Variants in STPG1 observed in about 807,000 individuals in gnomAD.
STPG1 encodes the protein sperm tail PG-rich repeat containing 1, also known as O(6)-methylguanine-induced apoptosis 2.
STPG1 carries 33 observed loss-of-function variants against 40.1 expected under a neutral mutation model. The observed-to-expected ratio is 0.82, with a 90% CI of 0.62 to 1.10. The LOEUF (loss-of-function observed/expected upper bound fraction) is 1.10. STPG1 is among the 50% of genes least tolerant of loss of function. STPG1 has a pLI of 0.00. For synonymous variants in STPG1, 150 were observed against 155.0 expected, an observed-to-expected ratio of 0.97 and a Z score of 0.24; for missense variants, 396 against 415.1, an observed-to-expected ratio of 0.95 and a Z score of 0.40.
chr1:24,384,969 TG>T lies in STPG1; in HGVS notation c.190-967del, dbSNP rs779556017. On this transcript the variant is annotated intron_variant, in intron 3 of 8. Coordinates refer to ENST00000337248, the MANE Select transcript of STPG1 (RefSeq NM_001199013.2). ...ACTCCTCACAACAAGCCTTTTACAG[TG>T]AGGTATGATCAGGGCTACTTTAAGG... 1.4e-3 allele frequency among the ~76,000 whole-genome samples: 210 copies of T among 152,152 alleles called. 1 individual carries two copies. In the Middle Eastern group the frequency reaches 0.041, roughly 30 times the overall value.
Position 24,362,810 on chromosome 1 carries a change from C to T in STPG1, c.738-1769G>A, listed in dbSNP as rs545094351. Among the ~76,000 whole-genome samples, 18 of 152,298 alleles carry T rather than the reference C, an allele frequency of 1.2e-4. No homozygotes were observed. The South Asian group carries it at 3.7e-3, about 32-fold the overall frequency. ...CTCACATCTTGTGGTGGAGGAGCAGCTGGCGTGGATGCTTATATTTAGAAC... is the reference window on the plus strand; with the variant it reads ...CTCACATCTTGTGGTGGAGGAGCAGTTGGCGTGGATGCTTATATTTAGAAC... On this transcript the variant is annotated intron_variant, in intron 7 of 8. Coordinates refer to ENST00000337248, the MANE Select transcript of STPG1 (RefSeq NM_001199013.2).
intron 2 of STPG1, among the ~76,000 whole-genome samples, chr1:24,395,295 T>C (rs1453561491): frequency 6.6e-6 from 1 of 151,790 alleles, no homozygotes; most frequent in East Asian, 1.9e-4. Context: ...CTACAAGAAA[T>C]GTTAAGGGAA....
intron 4 of STPG1, among the ~76,000 whole-genome samples, chr1:24,380,591 G>A (rs1642238483): frequency 6.6e-6 from 1 of 152,150 alleles, no homozygotes; most frequent in Non-Finnish European, 1.5e-5. Flanking sequence ...CACTTGATAG[G>A]AATCAATAAC....
intron 3 of STPG1, among the ~76,000 whole-genome samples, chr1:24,389,894 G>A (rs1049187311): frequency 5.3e-5 from 8 of 152,184 alleles, no homozygotes; most frequent in South Asian, 2.1e-4. Flanking sequence ...GTTTGTGTGC[G>A]TACACTCTAT....
At chr1:24,381,010 T>C (rs1642258986) in intron 4 of STPG1, among the ~76,000 whole-genome samples, 1 of 152,108 alleles carries the variant, frequency 6.6e-6, no homozygotes, top group Non-Finnish European at 1.5e-5. Flanking sequence ...CTTTGGTGGG[T>C]TTTTGTGTTG....
Position 24,358,053 on chromosome 1 carries a change from G to GT in STPG1, c.*489dup, listed in dbSNP as rs1343208632. Reference sequence around the variant, plus strand: ...GTAGCTTTCGCCCAGTAGACATACCGTAAGTGAGTGAGGTCAGAAAGGGAC... The same window carrying GT: ...GTAGCTTTCGCCCAGTAGACATACCGTTAAGTGAGTGAGGTCAGAAAGGGAC... On this transcript the variant is annotated 3_prime_UTR_variant, in exon 9 of 9. Coordinates refer to ENST00000337248, the MANE Select transcript of STPG1 (RefSeq NM_001199013.2). The GT allele has an allele frequency of 8.1e-6, 3 of 372,044 alleles. No homozygotes were observed. The highest frequency in any genetic ancestry group is 7.3e-5 in the East Asian group (1 of 13,624). The allele number at this position is 372,044 out of a possible 1,614,324, so 23.0% of individuals were successfully genotyped here. A position where few individuals can be genotyped will look rare whatever the true frequency, so the allele number is the denominator to read the frequency against.
chr1:24,409,857 T>C (rs942813821), intron 1 of STPG1, among the ~76,000 whole-genome samples: 2 of 152,198 alleles, frequency 1.3e-5, no homozygotes, highest in Admixed American at 1.3e-4. Flanking sequence ...AGCACAAGAG[T>C]AGTGATGCCA....
intron 1 of STPG1, among the ~76,000 whole-genome samples, chr1:24,410,523 C>T (rs937130956): frequency 2.0e-5 from 3 of 152,174 alleles, no homozygotes; most frequent in East Asian, 1.9e-4. Flanking sequence ...GCAGGAGAAT[C>T]GCTTGAACCC....
At chr1:24,365,844 C>G (rs1397913340) in intron 7 of STPG1, among the ~76,000 whole-genome samples, 2 of 152,154 alleles carry the variant, frequency 1.3e-5, no homozygotes, top group Non-Finnish European at 2.9e-5. Flanking sequence ...GGCTGGTGAG[C>G]AGGGAAAGTG....
intron 1 of STPG1, among the ~76,000 whole-genome samples, chr1:24,403,249 C>T (rs914823157): frequency 4.6e-5 from 7 of 152,184 alleles, no homozygotes; most frequent in Admixed American, 2.0e-4. Context: ...TCTTGGCACA[C>T]TCATCAAAAA....
rs138335884 is a variant in STPG1, at chr1:24,381,761, C to G, written c.292-1938G>C. On this transcript the variant is annotated intron_variant, in intron 4 of 8. Coordinates refer to ENST00000337248, the MANE Select transcript of STPG1 (RefSeq NM_001199013.2). ...TCACATTCCTACTGGTCATTCTGAT[C>G]TTTCTCTGATGAGAGCTACTTTTAA... Among the ~76,000 whole-genome samples the G allele has an allele frequency of 2.0e-5, 3 of 152,292 alleles. No homozygotes were observed. The East Asian group carries it at 5.8e-4, about 29-fold the overall frequency.
intron 3 of STPG1, among the ~76,000 whole-genome samples, chr1:24,387,498 G>A (rs1309354208): frequency 2.6e-5 from 4 of 152,096 alleles, no homozygotes; most frequent in Admixed American, 6.5e-5. Flanking sequence ...CCTCCACCTC[G>A]GGAAGATGCT....
chr1:24,385,475 G>C (rs1642466158), intron 3 of STPG1, among the ~76,000 whole-genome samples: 1 of 152,182 alleles, frequency 6.6e-6, no homozygotes, highest in South Asian at 2.1e-4. Flanking sequence ...AGATGCGAAG[G>C]GCTATGGGGA....
At chr1:24,410,229 T>C (rs1311377802) in intron 1 of STPG1, among the ~76,000 whole-genome samples, 1 of 152,156 alleles carries the variant, frequency 6.6e-6, no homozygotes, top group Non-Finnish European at 1.5e-5. Flanking sequence ...ATATCCCCCT[T>C]GAATAAGGGA....
At chr1:24,391,513 G>T in intron 3 of STPG1, 48 bp downstream of exon 3, 1 of 1,225,944 alleles carries the variant, frequency 8.2e-7, no homozygotes, top group Non-Finnish European at 1.2e-6. Flanking sequence ...GTCCCGCAAG[G>T]CTAAAATCCA....
At chr1:24,406,291 A>C (rs970479288) in intron 1 of STPG1, among the ~76,000 whole-genome samples, 59 of 152,130 alleles carry the variant, frequency 3.9e-4, no homozygotes, top group African/African-American at 1.4e-3. Flanking sequence ...TTCACATATA[A>C]TGTAAGAATT....
chr1:24,358,724 A>T, intron 8 of STPG1, 105 bp from the exon 9 acceptor site: 2 of 793,780 alleles, frequency 2.5e-6, no homozygotes, highest in South Asian at 3.3e-5. Context: ...CCCCTGTGCC[A>T]GCCCCTGTAT....
intron 4 of STPG1, among the ~76,000 whole-genome samples, chr1:24,383,053 C>T (rs1000140329): frequency 5.3e-5 from 8 of 151,576 alleles, no homozygotes; most frequent in South Asian, 2.1e-4. Flanking sequence ...CTGGGACTAT[C>T]GACACACATC....
At chr1:24,369,430 C>T (rs765641432) in intron 7 of STPG1, 1 of 640,510 alleles carries the variant, frequency 1.6e-6, no homozygotes, top group Admixed American at 2.2e-5. Flanking sequence ...AGTAACAATT[C>T]TTACAACAGG....
Sources: gnomAD v4.1 joint callset for allele counts (sites outside exome capture counted in the v4.1 genomes callset) on GRCh38, gnomAD v4.1.1 for gene constraint, MANE v1.5 for transcripts, NCBI Gene and HGNC (gene_info 2026-07-23, HGNC 2026-07-21) for gene names.